Variants in HIVEP2 observed in about 807,000 individuals in gnomAD.
HIVEP2 encodes HIVEP zinc finger 2.
HIVEP2 carries 14 observed loss-of-function variants against 180.7 expected under a neutral mutation model. The ratio of observed to expected loss-of-function variants is 0.08; its 90% CI spans 0.05 to 0.12. The LOEUF (loss-of-function observed/expected upper bound fraction) is 0.12. HIVEP2 is among the 10% of genes least tolerant of loss of function. The pLI is 1.00. For synonymous variants in HIVEP2, 1,184 were observed against 1,136.4 expected (o/e 1.04, Z -0.84); for missense variants, 2,579 against 3,008.5 (o/e 0.86, Z 3.34).
At chr6:142,763,001 C>G (rs1041860110) in intron 7 of HIVEP2, among the ~76,000 whole-genome samples, 1 of 152,144 alleles carries the variant, frequency 6.6e-6, no homozygotes, top group African/African-American at 2.4e-5. Context: ...AAAATCATCA[C>G]TTGTGCCAGA....
intron 2 of HIVEP2, among the ~76,000 whole-genome samples, chr6:142,793,669 TTCTTTCTCTC>T (rs1562521395): frequency 8.2e-5 from 8 of 97,304 alleles, no homozygotes; most frequent in African/African-American, 3.5e-4. Flanking sequence ...TTTTCTTTCT[TTCTTTCTCTC>T]TCTCTCTCTC....
In HIVEP2 at chr6:142,770,080, C is replaced by T. The variant is rs372157188; in HGVS notation, c.4659G>A (p.Gly1553=). The change falls in exon 5 of 10, where the codon GGG becomes GGA. Residue 1553 remains glycine (G), a synonymous_variant. Coordinates refer to ENST00000367603, the MANE Select transcript of HIVEP2 (RefSeq NM_006734.4). This position sits in a 1 kb window ranked among gnomAD's most constrained non-coding sequence, Gnocchi z 4.7. ...TTTCAGAAGGCCCACTGGACTTCTG[C>T]CCCGGAAGTGGTGCCCGGGAACCGG... ...MLSGSRAPLP[G]QKSSGPSESK... is the part of the protein sequence containing the mutation. 29 of 1,614,098 alleles carry T rather than the reference C, an allele frequency of 1.8e-5. No homozygotes were observed. Among genetic ancestry groups the T allele is most frequent in the Non-Finnish European group, 2.3e-5 (27 of 1,180,060 alleles).
chr6:142,763,953 T>C (rs1358858763), intron 7 of HIVEP2, among the ~76,000 whole-genome samples: 1 of 152,220 alleles, frequency 6.6e-6, no homozygotes, highest in East Asian at 1.9e-4. Context: ...AAGATAATTT[T>C]ACTTGGTATT....
chr6:142,790,654 G>A (rs1054118389), intron 2 of HIVEP2, among the ~76,000 whole-genome samples: 2 of 151,960 alleles, frequency 1.3e-5, no homozygotes, highest in South Asian at 2.1e-4. Flanking sequence ...TTTACTCCTG[G>A]GTATGCCAAG....
At chr6:142,935,577 A>G (rs1778033825) in intron 1 of HIVEP2, among the ~76,000 whole-genome samples, 1 of 152,080 alleles carries the variant, frequency 6.6e-6, no homozygotes, top group Non-Finnish European at 1.5e-5. Context: ...AAAGGTGCAC[A>G]GACTGATGAA....
chr6:142,829,129 A>G (rs1319805037), intron 2 of HIVEP2, among the ~76,000 whole-genome samples: 2 of 151,968 alleles, frequency 1.3e-5, no homozygotes, highest in African/African-American at 2.4e-5. Context: ...CTATAACCCA[A>G]TCATGTGATT....
chr6:142,774,646 T>A lies in HIVEP2; in HGVS notation c.93A>T (p.Ser31=), dbSNP rs1334864144. The change falls in exon 5 of 10, where the codon TCA becomes TCT. Residue 31 remains serine (S), a synonymous_variant. Transcript: ENST00000367603. The surrounding 1 kb of genome is among the most constrained non-coding windows in gnomAD (Gnocchi z 5.1). ...CAAAAGTGCTCATCTTAATAACAGC[T>A]GATTGTTCCTGTCTCCATCTACCTG... is the stretch of plus-strand genomic sequence containing the variant. ...KASGRWRQEQ[S]AVIKMSTFGS... 1 of 1,614,248 alleles carries A rather than the reference T, an allele frequency of 6.2e-7. No homozygotes were observed. The highest frequency in any genetic ancestry group is 8.5e-7 in the Non-Finnish European group (1 of 1,180,044).
At chr6:142,860,796 C>T (rs929078806) in intron 1 of HIVEP2, among the ~76,000 whole-genome samples, 2 of 152,188 alleles carry the variant, frequency 1.3e-5, no homozygotes, top group Non-Finnish European at 2.9e-5. Context: ...ACTAGTGATC[C>T]GTAGCCCAGG....
At chr6:142,856,699 TAAAA>T (rs1775830351) in intron 1 of HIVEP2, among the ~76,000 whole-genome samples, 1 of 152,192 alleles carries the variant, frequency 6.6e-6, no homozygotes, top group Non-Finnish European at 1.5e-5. Context: ...TTGGAGACCA[TAAAA>T]TGCAATCAGC....
chr6:142,819,093 G>C (rs1776953717), intron 2 of HIVEP2, among the ~76,000 whole-genome samples: 1 of 152,056 alleles, frequency 6.6e-6, no homozygotes, highest in Admixed American at 6.5e-5. Flanking sequence ...AATTAGCTGG[G>C]CATGGTGGTG....
intron 6 of HIVEP2, among the ~76,000 whole-genome samples, chr6:142,768,034 T>C (rs898183687): frequency 1.3e-5 from 2 of 152,204 alleles, no homozygotes; most frequent in Non-Finnish European, 2.9e-5. Flanking sequence ...ACAATAAAAA[T>C]ATGTCCGTCA....
chr6:142,799,336 G>A (rs188350631), intron 2 of HIVEP2, among the ~76,000 whole-genome samples: 10 of 152,090 alleles, frequency 6.6e-5, no homozygotes, highest in Admixed American at 1.3e-4. Context: ...CAACATTCTC[G>A]TCCTAAGTGC....
At chr6:142,796,540 T>C (rs1236853383) in intron 2 of HIVEP2, among the ~76,000 whole-genome samples, 1 of 152,142 alleles carries the variant, frequency 6.6e-6, no homozygotes, top group African/African-American at 2.4e-5. Flanking sequence ...ATTGATCCCA[T>C]TAAGTTTTCA....
At chr6:142,924,077 A>G (rs1307307669) in intron 1 of HIVEP2, among the ~76,000 whole-genome samples, 1 of 152,240 alleles carries the variant, frequency 6.6e-6, no homozygotes, top group Non-Finnish European at 1.5e-5. Context: ...TAGATGCAAA[A>G]GGAGGACTGC....
chr6:142,799,705 C>A (rs1231069026), intron 2 of HIVEP2, among the ~76,000 whole-genome samples: 1 of 152,120 alleles, frequency 6.6e-6, no homozygotes, highest in Non-Finnish European at 1.5e-5. Context: ...TTCTATAATG[C>A]TATCTGAAAC....
intron 1 of HIVEP2, among the ~76,000 whole-genome samples, chr6:142,900,812 C>T (rs933796023): frequency 6.6e-6 from 1 of 152,126 alleles, no homozygotes; most frequent in South Asian, 2.1e-4. Context: ...CATAAAAATG[C>T]GTGGGCAAGT....
intron 1 of HIVEP2, among the ~76,000 whole-genome samples, chr6:142,917,442 G>T (rs1447635479): frequency 6.6e-6 from 1 of 152,124 alleles, no homozygotes; most frequent in Non-Finnish European, 1.5e-5. Context: ...CACTACATGC[G>T]CTGCAAGTGG....
At chr6:142,758,870 A>G (rs77011392) in intron 9 of HIVEP2, among the ~76,000 whole-genome samples, 74 of 152,242 alleles carry the variant, frequency 4.9e-4, no homozygotes, top group Non-Finnish European at 8.8e-4. Context: ...TGCACTTGAT[A>G]GTAGTAATGG....
At chr6:142,941,370 C>CT (rs976278503) in intron 1 of HIVEP2, among the ~76,000 whole-genome samples, 2 of 152,208 alleles carry the variant, frequency 1.3e-5, no homozygotes, top group Non-Finnish European at 2.9e-5. Flanking sequence ...TACTCAACCT[C>CT]TTTTTCATAA....
Sources: gnomAD v4.1 joint callset for allele counts (sites outside exome capture counted in the v4.1 genomes callset) on GRCh38, gnomAD v4.1.1 for gene constraint, Gnocchi (gnomAD v3.1) non-coding constraint, MANE v1.5 for transcripts, NCBI Gene and HGNC (gene_info 2026-07-23, HGNC 2026-07-21) for gene names.